The following GRIN2A variants were observed in gnomAD, a reference collection of about 807,000 sequenced individuals.
GRIN2A encodes the protein glutamate ionotropic receptor NMDA type subunit 2A.
In GRIN2A, 22 loss-of-function variants were observed where a neutral mutation model predicts 113.4. That is an observed-to-expected ratio of 0.19 (90% confidence interval 0.14 to 0.28). The LOEUF (loss-of-function observed/expected upper bound fraction) is 0.28, where lower values mean the gene tolerates loss of function less well. Among genes scored for constraint, GRIN2A ranks in the 10% least tolerant of loss-of-function variants. The pLI, the probability that GRIN2A is intolerant of heterozygous loss-of-function variation, is 1.00. For missense variants in GRIN2A, 1,502 were observed against 1,887.0 expected (o/e 0.80, Z 3.78); for synonymous variants, 827 against 738.4 (o/e 1.12, Z -1.94).
intron 11 of GRIN2A, among the ~76,000 whole-genome samples, chr16:9,770,119 C>G (rs1901170372): frequency 6.6e-6 from 1 of 152,136 alleles, no homozygotes; most frequent in African/African-American, 2.4e-5. Context: ...AGAAAATTCT[C>G]TGATCTATAT....
intron 2 of GRIN2A, among the ~76,000 whole-genome samples, chr16:9,990,625 T>TAG (rs1237231991): frequency 2.0e-5 from 3 of 150,882 alleles, no homozygotes; most frequent in Non-Finnish European, 4.4e-5. Flanking sequence ...ATGCTGCCTC[T>TAG]AGATACTGAC....
At chr16:10,136,987 G>C (rs912751903) in intron 2 of GRIN2A, among the ~76,000 whole-genome samples, 7 of 152,302 alleles carry the variant, frequency 4.6e-5, no homozygotes, top group East Asian at 1.9e-4. Flanking sequence ...AAGATCACTA[G>C]AGACATCTGG....
intron 2 of GRIN2A, among the ~76,000 whole-genome samples, chr16:10,062,674 G>A (rs765310665): frequency 2.2e-4 from 34 of 152,090 alleles, no homozygotes; most frequent in Admixed American, 1.3e-4. Flanking sequence ...AGATCAACCT[G>A]GCCAACATGG....
At chr16:10,096,538 A>AC in intron 2 of GRIN2A, among the ~76,000 whole-genome samples, 2 of 134,100 alleles carry the variant, frequency 1.5e-5, no homozygotes, top group Non-Finnish European at 3.1e-5. Context: ...AATTGTGGTA[A>AC]AACACACACA....
At chr16:10,058,522 G>C (rs1164296557) in intron 2 of GRIN2A, among the ~76,000 whole-genome samples, 1 of 152,078 alleles carries the variant, frequency 6.6e-6, no homozygotes, top group African/African-American at 2.4e-5. Context: ...AATGTGATAA[G>C]AAATATGTAA....
chr16:10,007,149 G>C (rs1246437823), intron 2 of GRIN2A, among the ~76,000 whole-genome samples: 1 of 152,150 alleles, frequency 6.6e-6, no homozygotes, highest in Admixed American at 6.5e-5. Context: ...GTATATAGTT[G>C]ACAGCGGAAT....
At chr16:10,148,278 T>A (rs931804544) in intron 2 of GRIN2A, among the ~76,000 whole-genome samples, 3 of 152,222 alleles carry the variant, frequency 2.0e-5, no homozygotes, top group Non-Finnish European at 2.9e-5. Flanking sequence ...GTTGAGTAGT[T>A]GCAACAGATC....
At position 9,797,188 on chromosome 16, in the gene GRIN2A, C is replaced by T. The variant is rs11859540; in HGVS notation, c.2356+1089G>A. Among the ~76,000 whole-genome samples, 542 of 152,358 alleles carry T rather than the reference C, an allele frequency of 3.6e-3. 2 individuals carry two copies. Among genetic ancestry groups the T allele is most frequent in the African/African-American group, 0.012 (511 of 41,582 alleles). On this transcript the variant is annotated intron_variant, in intron 11 of 12. Transcript: ENST00000330684. ...CTCCCACCTGTAGCCTGGCATAACA[C>T]GTTCTGTAATCATCTCTGAATATAG...
At chr16:9,871,109 C>T (rs191168926) in intron 4 of GRIN2A, among the ~76,000 whole-genome samples, 32 of 152,208 alleles carry the variant, frequency 2.1e-4, no homozygotes, top group Admixed American at 5.2e-4. Flanking sequence ...TTTCCTGCCA[C>T]GCCCACAATT....
intron 4 of GRIN2A, among the ~76,000 whole-genome samples, chr16:9,875,535 A>G (rs912164292): frequency 3.9e-5 from 6 of 152,074 alleles, no homozygotes; most frequent in African/African-American, 1.4e-4. Context: ...TGTTCTGTCC[A>G]TTTTCTTAGG....
chr16:9,993,419 G>A (rs756677220), intron 2 of GRIN2A, among the ~76,000 whole-genome samples: 1 of 151,980 alleles, frequency 6.6e-6, no homozygotes, highest in African/African-American at 2.4e-5. Context: ...AGCAGAGTAT[G>A]GTGGCCTGCA....
At chr16:10,046,997 T>G (rs1300798197) in intron 2 of GRIN2A, among the ~76,000 whole-genome samples, 1 of 152,174 alleles carries the variant, frequency 6.6e-6, no homozygotes, top group Admixed American at 6.5e-5. Context: ...GTAGGATGTG[T>G]AGAAGCACCC....
intron 2 of GRIN2A, among the ~76,000 whole-genome samples, chr16:10,039,808 G>GGGAGGGAGA (rs1555469298): frequency 1.6e-5 from 1 of 63,812 alleles, no homozygotes; most frequent in African/African-American, 7.8e-5. Flanking sequence ...GGGAGGGGGG[G>GGGAGGGAGA]GAGAAAGAGA....
At chr16:10,007,019 T>C (rs1388542067) in intron 2 of GRIN2A, among the ~76,000 whole-genome samples, 2 of 152,252 alleles carry the variant, frequency 1.3e-5, no homozygotes, top group African/African-American at 2.4e-5. Context: ...ACATTTTCTT[T>C]ATGCATTAAT....
At chr16:9,765,061 G>T in intron 12 of GRIN2A, 113 bp from the exon 13 acceptor site, 1 of 1,367,404 alleles carries the variant, frequency 7.3e-7, no homozygotes, top group Non-Finnish European at 1.0e-6. Flanking sequence ...CAGGAGCCCT[G>T]GAGAAACAGC....
At chr16:9,775,705 C>G (rs1268834576) in intron 11 of GRIN2A, among the ~76,000 whole-genome samples, 1 of 152,130 alleles carries the variant, frequency 6.6e-6, no homozygotes, top group Non-Finnish European at 1.5e-5. Context: ...TCTGGGGTAC[C>G]CAGGGAACAG....
At chr16:9,898,592 G>A (rs34795833) in intron 3 of GRIN2A, among the ~76,000 whole-genome samples, 44,627 of 151,768 alleles carry the variant, frequency 0.29, 7,694 homozygotes, top group African/African-American at 0.48. Flanking sequence ...CTCAATTTTC[G>A]GTTAATTTTC....
At chr16:9,871,970 A>T (rs2043270172) in intron 4 of GRIN2A, among the ~76,000 whole-genome samples, 2 of 152,214 alleles carry the variant, frequency 1.3e-5, no homozygotes, top group Admixed American at 1.3e-4. Flanking sequence ...GGTTCAGGTT[A>T]GCGGAAATTA....
At chr16:10,094,653 T>C (rs553973430) in intron 2 of GRIN2A, among the ~76,000 whole-genome samples, 1 of 152,170 alleles carries the variant, frequency 6.6e-6, no homozygotes, top group South Asian at 2.1e-4. Context: ...TTTCACCACG[T>C]TGGCCAGGCT....
Sources: gnomAD v4.1 joint callset for allele counts (sites outside exome capture counted in the v4.1 genomes callset) on GRCh38, gnomAD v4.1.1 for gene constraint, MANE v1.5 for transcripts, NCBI Gene and HGNC (gene_info 2026-07-23, HGNC 2026-07-21) for gene names.